The following ZFHX3 variants were observed in gnomAD, a reference collection of about 807,000 sequenced individuals.
ZFHX3 encodes the protein zinc finger homeobox protein 3.
ZFHX3 carries 42 observed loss-of-function variants against 279.1 expected under a neutral mutation model. The observed-to-expected ratio is 0.15, with a 90% confidence interval of 0.12 to 0.19. The LOEUF is 0.19. Among genes scored for constraint, ZFHX3 ranks in the 10% least tolerant of loss-of-function variants. The pLI, the probability that ZFHX3 is intolerant of heterozygous loss-of-function variation, is 1.00. For synonymous variants in ZFHX3, 2,293 were observed against 1,957.8 expected, an observed-to-expected ratio of 1.17 and a Z score of -4.52; for missense variants, 4,981 against 4,754.0, an observed-to-expected ratio of 1.05 and a Z score of -1.40.
chr16:73,781,431 G>C (rs542689274), intron 1 of ZFHX3, among the ~76,000 whole-genome samples: 1 of 138,686 alleles, frequency 7.2e-6, no homozygotes, highest in Non-Finnish European at 1.6e-5. Context: ...TCATGGTTTG[G>C]CAAACTATGG....
intron 1 of ZFHX3, among the ~76,000 whole-genome samples, chr16:73,731,259 A>T (rs1009127992): frequency 1.3e-5 from 2 of 152,204 alleles, no homozygotes; most frequent in Non-Finnish European, 2.9e-5. Context: ...GCCTCTATTC[A>T]GGTTAAATAT....
intron 4 of ZFHX3, among the ~76,000 whole-genome samples, chr16:73,295,349 C>G (rs2014883780): frequency 6.6e-6 from 1 of 152,266 alleles, no homozygotes; most frequent in Non-Finnish European, 1.5e-5. Flanking sequence ...TGTTTCCTCA[C>G]TGTTTAGTGT....
chr16:73,243,075 C>A (rs2013174005), intron 5 of ZFHX3, among the ~76,000 whole-genome samples: 1 of 152,094 alleles, frequency 6.6e-6, no homozygotes, highest in African/African-American at 2.4e-5. Context: ...GCAGTTCAGC[C>A]AGGAGAGCTG....
rs189898782 is a variant in ZFHX3, at chr16:72,956,195, A to G, written c.2719+1232T>C. On this transcript the variant is annotated intron_variant, in intron 2 of 9. Coordinates refer to ENST00000268489, the MANE Select transcript of ZFHX3 (RefSeq NM_006885.4). Reference sequence around the variant, plus strand: ...CGGCAACAATTAGCACTCAAACACCACACAAATAAACACTTGCCAACTGCT... The same window carrying G: ...CGGCAACAATTAGCACTCAAACACCGCACAAATAAACACTTGCCAACTGCT... 4.6e-5 allele frequency among the ~76,000 whole-genome samples: 7 copies of G among 152,376 alleles called. No homozygotes were observed. The East Asian group carries it at 7.7e-4, about 17-fold the overall frequency.
intron 2 of ZFHX3, among the ~76,000 whole-genome samples, chr16:73,549,036 C>T (rs1027772301): frequency 6.6e-6 from 1 of 152,038 alleles, no homozygotes; most frequent in Non-Finnish European, 1.5e-5. Context: ...TCAGAAATTA[C>T]AAAAGGGACA....
intron 2 of ZFHX3, among the ~76,000 whole-genome samples, chr16:72,956,954 T>C (rs916979138): frequency 2.6e-5 from 4 of 152,192 alleles, no homozygotes; most frequent in Non-Finnish European, 4.4e-5. Context: ...TAACGTACAC[T>C]GTGGTTCCGA....
At chr16:73,004,244 A>G (rs1446472002) in intron 1 of ZFHX3, among the ~76,000 whole-genome samples, 6 of 132,682 alleles carry the variant, frequency 4.5e-5, no homozygotes, top group South Asian at 2.5e-4. Context: ...GGCTCAAGCA[A>G]TCCTCCCACC....
At chr16:73,739,236 A>T (rs1194992344) in intron 1 of ZFHX3, among the ~76,000 whole-genome samples, 1 of 152,150 alleles carries the variant, frequency 6.6e-6, no homozygotes, top group Admixed American at 6.5e-5. Context: ...TGTGCATTTT[A>T]CAGATAATTT....
chr16:73,887,435 T>C (rs2030383308), intron 1 of ZFHX3, among the ~76,000 whole-genome samples: 1 of 152,204 alleles, frequency 6.6e-6, no homozygotes. Flanking sequence ...TTTCTATACA[T>C]GTTCTATAAA....
intron 2 of ZFHX3, among the ~76,000 whole-genome samples, chr16:73,519,265 T>C (rs905710692): frequency 1.3e-5 from 2 of 152,198 alleles, no homozygotes; most frequent in African/African-American, 2.4e-5. Context: ...TTCTACATTA[T>C]TGGTTATAAA....
intron 4 of ZFHX3, among the ~76,000 whole-genome samples, chr16:73,303,975 A>G (rs77905605): frequency 1.4e-4 from 18 of 124,518 alleles, no homozygotes; most frequent in East Asian, 3.2e-4. Flanking sequence ...AAAAAAAAAA[A>G]AAAAAAAAAA....
intron 2 of ZFHX3, among the ~76,000 whole-genome samples, chr16:73,605,111 T>C (rs778130644): frequency 9.2e-5 from 14 of 152,152 alleles, no homozygotes; most frequent in Non-Finnish European, 1.9e-4. Flanking sequence ...AAAGGAATGA[T>C]TTAGGCCTGA....
chr16:73,286,531 CGGTGTGTGGCTGTGTGGGTGTGTGCGTT>C lies in ZFHX3; in HGVS notation c.-1193-29423_-1193-29396del, dbSNP rs1296346644. Among the ~76,000 whole-genome samples, 8 of 151,512 alleles carry C rather than the reference CGGTGTGTGGCTGTGTGGGTGTGTGCGTT, an allele frequency of 5.3e-5. No homozygotes were observed. In the South Asian group the frequency reaches 1.7e-3, roughly 32 times the overall value. The stretch of plus-strand genomic sequence containing the variant: ...GTCTCCTTGGTAAGGCTGTGTGGGT[CGGTGTGTGGCTGTGTGGGTGTGTGCGTT>C]GGTGTGTGGCTGTGTGGGTCTCTGC... On this transcript the variant is annotated intron_variant, in intron 4 of 17. Coordinates refer to the ZFHX3 transcript ENST00000641206.
chr16:73,638,156 T>C (rs578261644), intron 2 of ZFHX3, among the ~76,000 whole-genome samples: 1 of 152,312 alleles, frequency 6.6e-6, no homozygotes, highest in East Asian at 1.9e-4. Context: ...CTTAGAGAAT[T>C]TTATTCCATG....
chr16:73,410,639 C>A (rs1054877056), intron 3 of ZFHX3, among the ~76,000 whole-genome samples: 3 of 151,950 alleles, frequency 2.0e-5, no homozygotes, highest in Non-Finnish European at 2.9e-5. Context: ...TAGCCACAGC[C>A]CAGATGAGTG....
intron 1 of ZFHX3, among the ~76,000 whole-genome samples, chr16:73,021,881 G>A (rs1243452918): frequency 6.6e-6 from 1 of 151,372 alleles, no homozygotes; most frequent in Non-Finnish European, 1.5e-5. Context: ...TAGAAGAGGA[G>A]GGAACACACA....
chr16:73,159,804 T>C (rs1211825636), intron 5 of ZFHX3, among the ~76,000 whole-genome samples: 1 of 152,146 alleles, frequency 6.6e-6, no homozygotes, highest in Non-Finnish European at 1.5e-5. Flanking sequence ...GCTCTGTCAC[T>C]CAGGCTGGAG....
rs529005788 is a variant in ZFHX3 at position 73,743,201 on chromosome 16, C to G, written c.-1607-62961G>C. 2.0e-5 allele frequency among the ~76,000 whole-genome samples: 3 copies of G among 152,280 alleles called. No homozygotes were observed. In the East Asian group the frequency reaches 5.8e-4, roughly 29 times the overall value. On this transcript the variant is annotated intron_variant, in intron 1 of 17. Coordinates refer to the ZFHX3 transcript ENST00000641206. ...CAGGTTGGTTCTTATAAACAGATAG[C>G]TTTGCTACTCTTGCTTGCAAATACG...
intron 3 of ZFHX3, among the ~76,000 whole-genome samples, chr16:72,897,984 T>G (rs1026458083): frequency 1.3e-5 from 2 of 152,176 alleles, no homozygotes; most frequent in South Asian, 2.1e-4. Flanking sequence ...GGTGTTCACC[T>G]TGAATGCCTA....
Sources: gnomAD v4.1 joint callset for allele counts (sites outside exome capture counted in the v4.1 genomes callset) on GRCh38, gnomAD v4.1.1 for gene constraint, MANE v1.5 for transcripts, NCBI Gene and HGNC (gene_info 2026-07-23, HGNC 2026-07-21) for gene names.